Variants in SFMBT2 observed in about 807,000 individuals in gnomAD.
The protein encoded by SFMBT2 is scm-like with four MBT domains protein 2.
SFMBT2 carries 38 observed loss-of-function variants against 110.1 expected under a neutral mutation model. That is an observed-to-expected ratio of 0.35 (90% confidence interval 0.27 to 0.45). The LOEUF (loss-of-function observed/expected upper bound fraction) is 0.45. SFMBT2 is among the 20% of genes least tolerant of loss of function. The pLI, the probability that SFMBT2 is intolerant of heterozygous loss-of-function variation, is 1.00. For synonymous variants in SFMBT2, 425 were observed against 425.4 expected, an observed-to-expected ratio of 1.00 and a Z score of 0.01; for missense variants, 1,011 against 1,094.9, an observed-to-expected ratio of 0.92 and a Z score of 1.08.
At chr10:7,197,882 C>T (rs1021680378) in intron 14 of SFMBT2, among the ~76,000 whole-genome samples, 195 bp from the exon 15 acceptor site, 4 of 152,288 alleles carry the variant, frequency 2.6e-5, no homozygotes, top group Admixed American at 1.3e-4. Context: ...CAGCCAGTGT[C>T]GTTAGAACTG....
At chr10:7,220,577 G>T (rs769760159) in intron 10 of SFMBT2, 40 bp from the exon 11 acceptor site, 1 of 1,611,448 alleles carries the variant, frequency 6.2e-7, no homozygotes, top group African/African-American at 1.3e-5. Context: ...CAGTGCTGAC[G>T]CAGCAGGACA....
At chr10:7,177,130 G>A (rs1034452964) in intron 16 of SFMBT2, among the ~76,000 whole-genome samples, 4 of 152,126 alleles carry the variant, frequency 2.6e-5, no homozygotes, top group Non-Finnish European at 2.9e-5. Context: ...GCAGTAAATC[G>A]AATCCTTTCT....
intron 1 of SFMBT2, among the ~76,000 whole-genome samples, chr10:7,383,668 C>T (rs1444874450): frequency 1.3e-5 from 2 of 152,154 alleles, no homozygotes; most frequent in African/African-American, 4.8e-5. Flanking sequence ...AAGATAAGTT[C>T]TTGACTAAGC....
chr10:7,320,492 T>C (rs183293067), intron 4 of SFMBT2: 7 of 663,180 alleles, frequency 1.1e-5, no homozygotes, highest in Non-Finnish European at 1.3e-5. Context: ...TTCCTTCTAT[T>C]TTTTTCCTGG....
At chr10:7,221,171 C>T (rs1564391108) in intron 10 of SFMBT2, among the ~76,000 whole-genome samples, 1 of 152,122 alleles carries the variant, frequency 6.6e-6, no homozygotes, top group South Asian at 2.1e-4. Context: ...CCATTTCCTC[C>T]ACCTTCCTAT....
At chr10:7,279,823 C>T (rs1472319898) in intron 6 of SFMBT2, among the ~76,000 whole-genome samples, 3 of 152,186 alleles carry the variant, frequency 2.0e-5, no homozygotes, top group Non-Finnish European at 1.5e-5. Flanking sequence ...CCTAGAGAAA[C>T]AACTCTTCTT....
rs536878697 is a variant in SFMBT2, at chr10:7,369,867, C to T, written c.195+414G>A. Among the ~76,000 whole-genome samples, 3 of 152,054 alleles carry T rather than the reference C, an allele frequency of 2.0e-5. No individual in the cohort carries two copies. The South Asian group carries it at 6.2e-4, about 31-fold the overall frequency. On this transcript the variant is annotated intron_variant, in intron 3 of 20. Coordinates refer to ENST00000397167, the MANE Select transcript of SFMBT2 (RefSeq NM_001387889.1). ...AAATCTTGGCTGAATTTCCATCTTG[C>T]CTTTTTGTTTGAGACAGGGTTTCAC...
intron 9 of SFMBT2, among the ~76,000 whole-genome samples, chr10:7,243,041 A>G (rs1194473534): frequency 6.6e-6 from 1 of 152,190 alleles, no homozygotes; most frequent in African/African-American, 2.4e-5. Flanking sequence ...TTCACTAACA[A>G]TGTGGTTCTT....
At chr10:7,288,861 C>T (rs1030522550) in intron 4 of SFMBT2, among the ~76,000 whole-genome samples, 3 of 150,028 alleles carry the variant, frequency 2.0e-5, no homozygotes, top group East Asian at 3.9e-4. Context: ...AAACCCCCCC[C>T]CCCATCTCCA....
rs1285116801 is a variant in SFMBT2, at chr10:7,163,668, G to A, written c.*102C>T. The A allele has an allele frequency of 9.6e-7, 1 of 1,042,582 alleles. No individual in the cohort carries two copies. The highest frequency in any genetic ancestry group is 1.6e-5 in the African/African-American group (1 of 62,554). 64.6% of individuals were successfully genotyped at this position (1,042,582 alleles called of 1,614,324 possible). ...TTCTGGTTTTCTGGTGATACTTAGT[G>A]GCTGTACCATTTAACATATCCCGGA... On this transcript the variant is annotated 3_prime_UTR_variant, in exon 21 of 21. Transcript: ENST00000397167. The surrounding 1 kb of genome is among the most constrained non-coding windows in gnomAD (Gnocchi z 4.8).
chr10:7,314,324 T>G (rs1032521218), intron 4 of SFMBT2, among the ~76,000 whole-genome samples: 1 of 152,248 alleles, frequency 6.6e-6, no homozygotes, highest in Admixed American at 6.5e-5. Context: ...GCTAACTTAT[T>G]TACAAGTTAC....
chr10:7,227,841 G>A lies in SFMBT2; in HGVS notation c.1203+14C>T, dbSNP rs927815799. The stretch of plus-strand genomic sequence containing the variant: ...TATGATTTTTAAAAATTAGGTAAGA[G>A]AGAAGCTTCTTACATTTCGGAAGCA... On this transcript the variant is annotated intron_variant, in intron 10 of 20. Transcript: ENST00000397167. 1 of 1,594,078 alleles carries A rather than the reference G, an allele frequency of 6.3e-7. No homozygotes were observed. Among genetic ancestry groups the A allele is most frequent in the Non-Finnish European group, 8.5e-7 (1 of 1,170,398 alleles).
intron 4 of SFMBT2, among the ~76,000 whole-genome samples, chr10:7,300,115 T>C (rs933979721): frequency 6.6e-6 from 1 of 151,884 alleles, no homozygotes; most frequent in Non-Finnish European, 1.5e-5. Flanking sequence ...GAGTTGAAGA[T>C]TGAGAACACA....
intron 10 of SFMBT2, among the ~76,000 whole-genome samples, chr10:7,221,673 T>C (rs1260569631): frequency 6.6e-6 from 1 of 152,234 alleles, no homozygotes; most frequent in Non-Finnish European, 1.5e-5. Context: ...TTGTTCTTTT[T>C]GTTTATTGCT....
At chr10:7,401,993 G>T (rs1174870304) in intron 1 of SFMBT2, among the ~76,000 whole-genome samples, 1 of 151,894 alleles carries the variant, frequency 6.6e-6, no homozygotes, top group Non-Finnish European at 1.5e-5. Context: ...TGTACCAATT[G>T]GTACCATTTA....
intron 9 of SFMBT2, among the ~76,000 whole-genome samples, chr10:7,237,363 A>G (rs1840289282): frequency 6.6e-6 from 1 of 152,266 alleles, no homozygotes; most frequent in African/African-American, 2.4e-5. Flanking sequence ...ATGCCCCAAC[A>G]TGGAAAAAAA....
chr10:7,177,729 T>C (rs1220242454), intron 16 of SFMBT2, among the ~76,000 whole-genome samples: 2 of 151,526 alleles, frequency 1.3e-5, no homozygotes, highest in African/African-American at 4.9e-5. Flanking sequence ...ATGGGCACGG[T>C]GGGGCACTAC....
rs1837537781 is a variant in SFMBT2, at chr10:7,161,044, CA to C, written c.*2725del. ...GGCACGTGCACAGACAGTGCTCACCCATGGTGACCGCAACTGCACAGAGAAA... is the reference window on the plus strand; with the variant it reads ...GGCACGTGCACAGACAGTGCTCACCCTGGTGACCGCAACTGCACAGAGAAA... On this transcript the variant is annotated 3_prime_UTR_variant, in exon 21 of 21. Transcript: ENST00000397167. 6.6e-6 allele frequency: 1 copy of C among 152,300 alleles called. No individual in the cohort carries two copies. Among genetic ancestry groups the C allele is most frequent in the Admixed American group, 6.5e-5 (1 of 15,290 alleles). 9.4% of individuals were successfully genotyped at this position (152,300 alleles called of 1,614,324 possible).
At chr10:7,401,295 A>G (rs1228558090) in intron 1 of SFMBT2, among the ~76,000 whole-genome samples, 2 of 152,156 alleles carry the variant, frequency 1.3e-5, no homozygotes, top group Non-Finnish European at 2.9e-5. Context: ...GGAAAGACCA[A>G]ACATGTAGGA....
Sources: allele counts gnomAD v4.1 joint callset (sites outside exome capture counted in the v4.1 genomes callset), GRCh38; gene constraint gnomAD v4.1.1; non-coding constraint Gnocchi (gnomAD v3.1); transcripts MANE v1.5; gene names NCBI Gene and HGNC (gene_info 2026-07-23, HGNC 2026-07-21).